Variants in RIT2 observed in about 807,000 individuals in gnomAD.
RIT2 encodes the protein GTP-binding protein Rit2.
A neutral mutation model predicts 23.7 loss-of-function variants in RIT2; 24 were observed. The ratio of observed to expected loss-of-function variants is 1.01; its 90% CI spans 0.73 to 1.43. The LOEUF is 1.43. RIT2 is among the 40% of genes most tolerant of loss of function. The probability of loss-of-function intolerance (pLI) is 0.00; values close to 1 mark genes in which losing one functional copy is unlikely to be tolerated. For synonymous variants in RIT2, 107 were observed against 91.1 expected, an observed-to-expected ratio of 1.17 and a Z score of -0.99; for missense variants, 236 against 266.9, an observed-to-expected ratio of 0.88 and a Z score of 0.81.
chr18:42,897,334 G>A (rs1051525314), intron 4 of RIT2, among the ~76,000 whole-genome samples: 1 of 152,164 alleles, frequency 6.6e-6, no homozygotes, highest in Non-Finnish European at 1.5e-5. Context: ...AGTGGGAAAG[G>A]TTAGTCTGGA....
At chr18:43,071,340 A>G (rs1912891984) in intron 1 of RIT2, among the ~76,000 whole-genome samples, 1 of 152,182 alleles carries the variant, frequency 6.6e-6, no homozygotes, top group African/African-American at 2.4e-5. Flanking sequence ...AATATATGGA[A>G]CTACATCCCA....
At chr18:43,051,320 G>T (rs1483091566) in intron 1 of RIT2, among the ~76,000 whole-genome samples, 2 of 152,114 alleles carry the variant, frequency 1.3e-5, no homozygotes, top group Non-Finnish European at 2.9e-5. Context: ...TTACAGATAG[G>T]AAGTTTTGTA....
chr18:42,902,656 A>G (rs928275725), intron 4 of RIT2, among the ~76,000 whole-genome samples: 4 of 151,754 alleles, frequency 2.6e-5, no homozygotes, highest in Non-Finnish European at 5.9e-5. Flanking sequence ...TTGTTTGTCA[A>G]GATAAAAACA....
At chr18:43,095,200 T>C (rs1913523348) in intron 1 of RIT2, among the ~76,000 whole-genome samples, 1 of 152,108 alleles carries the variant, frequency 6.6e-6, no homozygotes, top group South Asian at 2.1e-4. Context: ...CGTTCCTATT[T>C]CTCCACATCC....
At chr18:42,866,456 C>T (rs1019649472) in intron 4 of RIT2, among the ~76,000 whole-genome samples, 4 of 152,068 alleles carry the variant, frequency 2.6e-5, no homozygotes, top group African/African-American at 9.7e-5. Flanking sequence ...TTCCATTAAA[C>T]TGCCTTTCCC....
chr18:42,923,744 C>T lies in RIT2; in HGVS notation c.254G>A (p.Arg85Gln), dbSNP rs868710992. ...TTCCCCACCTCGCATGTACTGCTCCCGCATGGCTGTGAATTCTGCCTGCAG... is the reference window on the plus strand; with the variant it reads ...TTCCCCACCTCGCATGTACTGCTCCTGCATGGCTGTGAATTCTGCCTGCAG... ...TAGQAEFTAM[R>Q]EQYMRGGEGF... Residue 85 changes from arginine (R) to glutamine (Q), a missense_variant, in exon 4 of 5, where the codon CGG (arginine) becomes CAG (glutamine). Coordinates refer to ENST00000326695, the MANE Select transcript of RIT2 (RefSeq NM_002930.4). 6 of 1,604,562 alleles carry T rather than the reference C, an allele frequency of 3.7e-6. No homozygotes were observed. Among genetic ancestry groups the T allele is most frequent in the African/African-American group, 1.4e-5 (1 of 73,368 alleles).
Position 42,895,476 on chromosome 18 carries a change from T to G in RIT2, c.426+28096A>C, listed in dbSNP as rs572837477. 3.9e-5 allele frequency among the ~76,000 whole-genome samples: 6 copies of G among 152,312 alleles called. No individual in the cohort carries two copies. The South Asian group carries it at 8.3e-4, about 21-fold the overall frequency. On this transcript the variant is annotated intron_variant, in intron 4 of 4. Transcript: ENST00000326695. ...TCAAATACATATTATTATTTTTACTTCCTGTTCTATCGATCTCCAAATTTG... is the reference window on the plus strand; with the variant it reads ...TCAAATACATATTATTATTTTTACTGCCTGTTCTATCGATCTCCAAATTTG...
chr18:42,786,786 C>G (rs999072074), intron 4 of RIT2, among the ~76,000 whole-genome samples: 1 of 152,122 alleles, frequency 6.6e-6, no homozygotes, highest in Admixed American at 6.6e-5. Context: ...AAACCCATCA[C>G]CTTTCTTTCC....
chr18:42,931,499 T>C (rs1020386304), intron 3 of RIT2, among the ~76,000 whole-genome samples: 2 of 152,206 alleles, frequency 1.3e-5, no homozygotes, highest in South Asian at 2.1e-4. Context: ...AGAGGAATCT[T>C]ACTGTATTTG....
intron 4 of RIT2, among the ~76,000 whole-genome samples, chr18:42,848,967 C>T (rs1303051283): frequency 6.6e-6 from 1 of 152,130 alleles, no homozygotes; most frequent in Non-Finnish European, 1.5e-5. Flanking sequence ...ACTTATGAAA[C>T]TAGATCACAA....
At chr18:42,910,632 G>A (rs1018216909) in intron 4 of RIT2, among the ~76,000 whole-genome samples, 2 of 152,048 alleles carry the variant, frequency 1.3e-5, no homozygotes, top group African/African-American at 4.8e-5. Context: ...GAGAAGAAGA[G>A]AAGAAGCACC....
intron 4 of RIT2, among the ~76,000 whole-genome samples, chr18:42,820,694 T>C (rs1906123671): frequency 6.6e-6 from 1 of 152,184 alleles, no homozygotes; most frequent in Non-Finnish European, 1.5e-5. Context: ...TTCTTCTCTT[T>C]ATCCTTTCAG....
intron 4 of RIT2, among the ~76,000 whole-genome samples, chr18:42,881,633 C>T (rs1171049437): frequency 6.6e-6 from 1 of 152,164 alleles, no homozygotes. Context: ...TCTGCATACT[C>T]TGTTATCTTT....
chr18:42,796,269 T>C (rs1905352796), intron 4 of RIT2, among the ~76,000 whole-genome samples: 1 of 152,024 alleles, frequency 6.6e-6, no homozygotes, highest in Admixed American at 6.6e-5. Context: ...CCTTAAGAGC[T>C]GTAACACTCA....
At chr18:42,814,848 G>T (rs1483958659) in intron 4 of RIT2, among the ~76,000 whole-genome samples, 1 of 152,140 alleles carries the variant, frequency 6.6e-6, no homozygotes, top group East Asian at 1.9e-4. Context: ...ACTGGATCAG[G>T]TGCTGGTATA....
intron 1 of RIT2, among the ~76,000 whole-genome samples, chr18:43,109,039 A>G (rs1048413321): frequency 2.0e-5 from 3 of 152,184 alleles, no homozygotes; most frequent in African/African-American, 7.2e-5. Flanking sequence ...GCTTGCCTTG[A>G]TTTAATTCAT....
chr18:43,105,134 G>GTGTGTT (rs1555658710), intron 1 of RIT2, among the ~76,000 whole-genome samples: 393 of 143,190 alleles, frequency 2.7e-3, no homozygotes, highest in African/African-American at 8.2e-3. Flanking sequence ...GTGTGTGTTT[G>GTGTGTT]TGTGTGTGTG....
chr18:42,795,619 G>A (rs1369675212), intron 4 of RIT2, among the ~76,000 whole-genome samples: 4 of 152,372 alleles, frequency 2.6e-5, no homozygotes, highest in Admixed American at 2.0e-4. Context: ...AACTGCGGGC[G>A]CGGCACGGGA....
At chr18:42,970,942 G>T (rs554151946) in intron 3 of RIT2, among the ~76,000 whole-genome samples, 1 of 151,882 alleles carries the variant, frequency 6.6e-6, no homozygotes, top group East Asian at 1.9e-4. Context: ...CTTGCAATGG[G>T]CAAGGGAAAT....
Sources: gnomAD v4.1 joint callset for allele counts (sites outside exome capture counted in the v4.1 genomes callset) on GRCh38, gnomAD v4.1.1 for gene constraint, MANE v1.5 for transcripts, NCBI Gene and HGNC (gene_info 2026-07-23, HGNC 2026-07-21) for gene names.